Variants in RBFOX1 observed in about 807,000 individuals in gnomAD.
The protein encoded by RBFOX1 is RNA binding protein fox-1 homolog 1.
In RBFOX1, 8 loss-of-function variants were observed where a neutral mutation model predicts 57.7. The ratio of observed to expected loss-of-function variants is 0.14; its 90% CI spans 0.08 to 0.25. The LOEUF is 0.25. RBFOX1 is among the 10% of genes least tolerant of loss of function. The probability of loss-of-function intolerance (pLI) is 1.00; values close to 1 mark genes in which losing one functional copy is unlikely to be tolerated. For missense variants in RBFOX1, 611 were observed against 548.5 expected, an observed-to-expected ratio of 1.11 and a Z score of -1.14; for synonymous variants, 326 against 222.4, an observed-to-expected ratio of 1.47 and a Z score of -4.15.
intron 4 of RBFOX1, among the ~76,000 whole-genome samples, chr16:7,103,269 G>A (rs182676165): frequency 7.9e-4 from 121 of 152,222 alleles, no homozygotes; most frequent in Middle Eastern, 6.8e-3. Context: ...AACTTTAACT[G>A]TTTTGAGTTT....
intron 4 of RBFOX1, among the ~76,000 whole-genome samples, chr16:7,329,174 A>C (rs183318991): frequency 4.6e-5 from 7 of 152,300 alleles, no homozygotes; most frequent in African/African-American, 1.7e-4. Context: ...TGTTTACAGA[A>C]AAACATTTAC....
intron 1 of RBFOX1, among the ~76,000 whole-genome samples, chr16:5,414,195 A>G (rs781193337): frequency 6.6e-6 from 1 of 152,162 alleles, no homozygotes; most frequent in Non-Finnish European, 1.5e-5. Context: ...TTGATTGGCT[A>G]CAAGCTGAGG....
intron 2 of RBFOX1, chr16:6,483,630 C>T: frequency 6.7e-7 from 1 of 1,481,642 alleles, no homozygotes; most frequent in South Asian, 1.3e-5. Flanking sequence ...AGAGACCAGG[C>T]AGCTTCTGCA....
rs2095873998 is a variant in RBFOX1 at position 6,074,593 on chromosome 16, G to A, written c.-127+54601G>A. Among the ~76,000 whole-genome samples the A allele has an allele frequency of 1.3e-5, 2 of 152,194 alleles. 1 individual carries two copies. The highest frequency in any genetic ancestry group is 4.1e-4 in the South Asian group (2 of 4,834). On this transcript the variant is annotated intron_variant, in intron 1 of 15. Coordinates refer to ENST00000550418, the MANE Select transcript of RBFOX1 (RefSeq NM_018723.4). The stretch of plus-strand genomic sequence containing the variant: ...ATCGTGATAGGTGAAATGGGGTCTT[G>A]CAGTGGGGGAGAAAGATTGGGCTCA...
intron 1 of RBFOX1, among the ~76,000 whole-genome samples, chr16:6,020,544 G>A (rs1395744690): frequency 1.3e-5 from 2 of 152,168 alleles, no homozygotes; most frequent in Non-Finnish European, 1.5e-5. Context: ...ATGCCCCGCG[G>A]TGCCACCTCG....
chr16:6,859,174 T>TACGTATACGTATAC (rs778753196), intron 3 of RBFOX1, among the ~76,000 whole-genome samples: 20 of 65,078 alleles, frequency 3.1e-4, no homozygotes, highest in African/African-American at 1.7e-3. Context: ...CGTATATATA[T>TACGTATACGTATAC]GTATATATAT....
In RBFOX1 at chr16:6,655,385, AAAAAAAAAAAAAAAAAAAGAG is replaced by A. The variant is rs909869373; in HGVS notation, c.-16+736_-16+756del. On this transcript the variant is annotated intron_variant, in intron 3 of 15. Transcript: ENST00000550418. ...TAAGCCTCCGTTTCAAAAAAAAAAAAAAAAAAAAAAAAAAAAAAGAGCTCGCGCTCAATTTCCATCACAACA... is the reference window on the plus strand; with the variant it reads ...TAAGCCTCCGTTTCAAAAAAAAAAAACTCGCGCTCAATTTCCATCACAACA... 3.1e-3 allele frequency among the ~76,000 whole-genome samples: 398 copies of A among 130,364 alleles called. 6 individuals are homozygous for A. Among genetic ancestry groups the A allele is most frequent in the African/African-American group, 0.01 (380 of 37,830 alleles). 85.5% of individuals were successfully genotyped at this position (130,364 alleles called of 152,430 possible).
At chr16:5,524,530 T>A (rs576500083) in intron 2 of RBFOX1, among the ~76,000 whole-genome samples, 14 of 144,936 alleles carry the variant, frequency 9.7e-5, no homozygotes, top group African/African-American at 3.4e-4. Flanking sequence ...GATTGCTGGG[T>A]TGAGTAGTAG....
At chr16:5,545,604 C>T (rs986909670) in intron 2 of RBFOX1, among the ~76,000 whole-genome samples, 4 of 151,962 alleles carry the variant, frequency 2.6e-5, no homozygotes, top group Admixed American at 1.3e-4. Flanking sequence ...GTGAGAGACA[C>T]ATGATCATTT....
chr16:7,436,965 G>A (rs1443553901), intron 4 of RBFOX1, among the ~76,000 whole-genome samples: 2 of 152,058 alleles, frequency 1.3e-5, no homozygotes, highest in East Asian at 1.9e-4. Context: ...CCTGTAATCC[G>A]AGCTACTCAG....
chr16:5,572,309 C>G (rs2046309078), intron 2 of RBFOX1, among the ~76,000 whole-genome samples: 1 of 152,108 alleles, frequency 6.6e-6, no homozygotes, highest in Non-Finnish European at 1.5e-5. Flanking sequence ...GAGTGCATAC[C>G]ATGTTCCTGA....
At chr16:5,533,533 G>C (rs888262046) in intron 2 of RBFOX1, among the ~76,000 whole-genome samples, 8 of 152,180 alleles carry the variant, frequency 5.3e-5, no homozygotes, top group Non-Finnish European at 1.5e-5. Flanking sequence ...AACATTTAAA[G>C]TCTGAGCAGA....
chr16:5,948,194 G>A (rs928308388), intron 4 of RBFOX1, among the ~76,000 whole-genome samples: 4 of 152,170 alleles, frequency 2.6e-5, no homozygotes, highest in Non-Finnish European at 1.5e-5. Flanking sequence ...GGGGAGGAAG[G>A]AGACATCTCA....
At chr16:7,687,953 C>G (rs566291006) in intron 14 of RBFOX1, among the ~76,000 whole-genome samples, 23 of 152,048 alleles carry the variant, frequency 1.5e-4, no homozygotes, top group African/African-American at 5.1e-4. Context: ...CAAAGATGCT[C>G]AAGTTAAATG....
chr16:6,970,506 A>G (rs973518859), intron 3 of RBFOX1, among the ~76,000 whole-genome samples: 10 of 152,140 alleles, frequency 6.6e-5, no homozygotes, highest in Admixed American at 5.9e-4. Flanking sequence ...GCATTCTAAG[A>G]TCAGAGACAT....
rs116927445 is a variant in RBFOX1, at chr16:5,650,023, C to T, written c.318+51062C>T. Among the ~76,000 whole-genome samples the T allele has an allele frequency of 5.4e-3, 820 of 152,302 alleles. 3 individuals are homozygous for T. The highest frequency in any genetic ancestry group is 6.8e-3 in the Middle Eastern group (2 of 294). ...TGTTTTGCAAACACCACATTGCTCT[C>T]TACATGAAGCATTGGCCGTCTGGGC... On this transcript the variant is annotated intron_variant, in intron 3 of 19. Transcript: ENST00000641259.
chr16:5,723,778 G>A (rs569398210), intron 3 of RBFOX1, among the ~76,000 whole-genome samples: 1 of 152,204 alleles, frequency 6.6e-6, no homozygotes, highest in African/African-American at 2.4e-5. Context: ...CAGCCCACAG[G>A]CAGCTATGGA....
At chr16:5,408,531 C>G (rs528125044) in intron 1 of RBFOX1, among the ~76,000 whole-genome samples, 20 of 152,328 alleles carry the variant, frequency 1.3e-4, no homozygotes, top group African/African-American at 4.8e-4. Flanking sequence ...ATCTCTCTTT[C>G]TCCTGGACCA....
chr16:6,656,246 G>T (rs1424804473), intron 3 of RBFOX1, among the ~76,000 whole-genome samples: 1 of 152,154 alleles, frequency 6.6e-6, no homozygotes, highest in Non-Finnish European at 1.5e-5. Flanking sequence ...TGCTTCCAAA[G>T]GTCATTGGCA....
Sources: gnomAD v4.1 joint callset for allele counts (sites outside exome capture counted in the v4.1 genomes callset) on GRCh38, gnomAD v4.1.1 for gene constraint, MANE v1.5 for transcripts, NCBI Gene and HGNC (gene_info 2026-07-23, HGNC 2026-07-21) for gene names.